The following LDB2 variants were observed in gnomAD, a reference collection of about 807,000 sequenced individuals.
LDB2 encodes LIM domain-binding protein 2.
A neutral mutation model predicts 44.3 loss-of-function variants in LDB2; 12 were observed. The ratio of observed to expected loss-of-function variants is 0.27; its 90% CI spans 0.17 to 0.44. LDB2 has a LOEUF of 0.44. Ranked by LOEUF, LDB2 falls within the 20% of genes least tolerant of loss-of-function variation. The pLI is 1.00. For synonymous variants in LDB2, 164 were observed against 174.8 expected (o/e 0.94, Z 0.49); for missense variants, 344 against 473.5 (o/e 0.73, Z 2.54).
chr4:16,890,413 G>T (rs754576289), intron 1 of LDB2, among the ~76,000 whole-genome samples: 2 of 152,170 alleles, frequency 1.3e-5, no homozygotes, highest in Non-Finnish European at 2.9e-5. Context: ...CTGGGGGCTC[G>T]CAATGTCACC....
intron 1 of LDB2, among the ~76,000 whole-genome samples, chr4:16,879,386 G>A (rs769375345): frequency 1.3e-5 from 2 of 152,170 alleles, no homozygotes; most frequent in African/African-American, 2.4e-5. Flanking sequence ...CTGTGAAGGT[G>A]TTTACTCTGA....
At chr4:16,642,515 T>G (rs960438990) in intron 2 of LDB2, among the ~76,000 whole-genome samples, 2 of 151,728 alleles carry the variant, frequency 1.3e-5, no homozygotes, top group African/African-American at 4.8e-5. Flanking sequence ...AAATTGAAAA[T>G]GAAAAGAAAG....
Position 16,859,411 on chromosome 4 carries a change from G to T in LDB2, c.132+38943C>A, listed in dbSNP as rs6845849. On this transcript the variant is annotated intron_variant, in intron 1 of 7. Coordinates refer to ENST00000304523, the MANE Select transcript of LDB2 (RefSeq NM_001290.5). Reference sequence around the variant, plus strand: ...GAGCCATTTGACTAGCTATTAAACCGCATTTTGAAAGCCATAACAGTATGG... The same window carrying T: ...GAGCCATTTGACTAGCTATTAAACCTCATTTTGAAAGCCATAACAGTATGG... 9.8e-3 allele frequency among the ~76,000 whole-genome samples: 1,485 copies of T among 152,250 alleles called. 30 individuals are homozygous for T. The highest frequency in any genetic ancestry group is 0.034 in the African/African-American group (1,406 of 41,536).
At chr4:16,696,898 G>A (rs897111259) in intron 2 of LDB2, among the ~76,000 whole-genome samples, 3 of 152,086 alleles carry the variant, frequency 2.0e-5, no homozygotes, top group Non-Finnish European at 2.9e-5. Flanking sequence ...GAGTGGTGCC[G>A]GAAGATATAT....
chr4:16,882,278 T>A (rs1416680252), intron 1 of LDB2, among the ~76,000 whole-genome samples: 1 of 152,218 alleles, frequency 6.6e-6, no homozygotes, highest in Non-Finnish European at 1.5e-5. Flanking sequence ...AATGAGTCAA[T>A]GCAATTCCAT....
intron 2 of LDB2, among the ~76,000 whole-genome samples, chr4:16,749,451 G>A (rs1236045462): frequency 2.7e-5 from 4 of 150,802 alleles, no homozygotes; most frequent in Admixed American, 6.6e-5. Context: ...CCAGCTACTC[G>A]GGAGGCTGAG....
rs1198543163 is a variant in LDB2 at position 16,502,120 on chromosome 4, A to AAAAT, written c.*519_*522dup. ...AATGAAAGAAAACATAAAGAAAAAA[A>AAAAT]AAATAAGGTACATTTAAATTACTTT... On this transcript the variant is annotated 3_prime_UTR_variant, in exon 8 of 8. Coordinates refer to ENST00000304523, the MANE Select transcript of LDB2 (RefSeq NM_001290.5). 6.5e-6 allele frequency: 1 copy of AAAAT among 153,450 alleles called. No homozygotes were observed. The highest frequency in any genetic ancestry group is 1.5e-5 in the Non-Finnish European group (1 of 68,652). The allele number at this position is 153,450 out of a possible 1,614,324, so 9.5% of individuals were successfully genotyped here.
At chr4:16,711,119 T>G (rs1174731735) in intron 2 of LDB2, among the ~76,000 whole-genome samples, 1 of 152,264 alleles carries the variant, frequency 6.6e-6, no homozygotes, top group East Asian at 1.9e-4. Context: ...TGGATAATCA[T>G]GTAAACCTAT....
At chr4:16,510,046 C>T (rs1022242543) in intron 6 of LDB2, among the ~76,000 whole-genome samples, 14 of 152,028 alleles carry the variant, frequency 9.2e-5, no homozygotes, top group African/African-American at 3.1e-4. Flanking sequence ...GCCCGGAAGT[C>T]GAGGCTGCAG....
intron 5 of LDB2, among the ~76,000 whole-genome samples, chr4:16,561,254 A>G (rs1279891890): frequency 6.6e-6 from 1 of 152,198 alleles, no homozygotes; most frequent in African/African-American, 2.4e-5. Context: ...AGGGCATTCA[A>G]TTAGGAAAAG....
intron 2 of LDB2, among the ~76,000 whole-genome samples, chr4:16,608,865 C>T (rs1724738437): frequency 6.6e-6 from 1 of 152,274 alleles, no homozygotes; most frequent in South Asian, 2.1e-4. Context: ...AGGGCTGCTC[C>T]ATTGCAGGTC....
intron 1 of LDB2, among the ~76,000 whole-genome samples, chr4:16,866,774 A>T (rs1174777775): frequency 6.6e-6 from 1 of 152,152 alleles, no homozygotes; most frequent in East Asian, 1.9e-4. Flanking sequence ...CTATTATCTC[A>T]TTCCCTGTAT....
At chr4:16,575,976 G>A (rs1748132720) in intron 5 of LDB2, among the ~76,000 whole-genome samples, 1 of 152,208 alleles carries the variant, frequency 6.6e-6, no homozygotes, top group Non-Finnish European at 1.5e-5. Context: ...TTGACCTCGT[G>A]ATTTCCACCT....
intron 2 of LDB2, among the ~76,000 whole-genome samples, chr4:16,720,134 G>A (rs1266093875): frequency 6.6e-6 from 1 of 151,972 alleles, no homozygotes; most frequent in African/African-American, 2.4e-5. Flanking sequence ...GAATTGGCTA[G>A]TTTCTAATGT....
intron 2 of LDB2, among the ~76,000 whole-genome samples, chr4:16,690,583 A>C: frequency 6.7e-6 from 1 of 149,430 alleles, no homozygotes; most frequent in Non-Finnish European, 1.5e-5. Context: ...GAAGACAGGA[A>C]ACGAAGGAAA....
rs141268144 is a variant in LDB2, at chr4:16,666,328, G to A, written c.236-70453C>T. Among the ~76,000 whole-genome samples the A allele has an allele frequency of 4.4e-3, 675 of 152,278 alleles. 3 individuals carry two copies. The highest frequency in any genetic ancestry group is 7.1e-3 in the Non-Finnish European group (481 of 68,022). Reference sequence around the variant, plus strand: ...TCGCCAAGCTAGCTGTTGTCCCAGAGTGCTGCCCAAGGCAGAATCAGAAGG... The same window carrying A: ...TCGCCAAGCTAGCTGTTGTCCCAGAATGCTGCCCAAGGCAGAATCAGAAGG... On this transcript the variant is annotated intron_variant, in intron 2 of 7. Transcript: ENST00000304523.
chr4:16,894,551 T>C (rs918218838), intron 1 of LDB2, among the ~76,000 whole-genome samples: 1 of 152,194 alleles, frequency 6.6e-6, no homozygotes, highest in Non-Finnish European at 1.5e-5. Context: ...CTGTTAGTAC[T>C]TAGTCACTTG....
Position 16,595,829 on chromosome 4 carries a change from T to C in LDB2, c.282A>G (p.Glu94=). 1 of 1,613,600 alleles carries C rather than the reference T, an allele frequency of 6.2e-7. No homozygotes were observed. Among genetic ancestry groups the C allele is most frequent in the Non-Finnish European group, 8.5e-7 (1 of 1,179,782 alleles). Residue 94 remains glutamate, a synonymous_variant, in exon 3 of 8, where the codon GAA becomes GAG. Coordinates refer to ENST00000304523, the MANE Select transcript of LDB2 (RefSeq NM_001290.5). ...TGTAATACAGGTCGGTCACCCCTCC[T>C]TCAAACACAGTGCTAAAGTAACGGG... ...LIPRYFSTVF[E]GGVTDLYYIL... is the part of the protein sequence containing the mutation.
chr4:16,545,077 A>G (rs1293316546), intron 5 of LDB2, among the ~76,000 whole-genome samples: 1 of 152,142 alleles, frequency 6.6e-6, no homozygotes, highest in South Asian at 2.1e-4. Context: ...CACCAGCTGT[A>G]GCAAAGAAAA....
Sources: gnomAD v4.1 joint callset for allele counts (sites outside exome capture counted in the v4.1 genomes callset) on GRCh38, gnomAD v4.1.1 for gene constraint, MANE v1.5 for transcripts, NCBI Gene and HGNC (gene_info 2026-07-23, HGNC 2026-07-21) for gene names.